The following LPP variants were observed in gnomAD, a reference collection of about 807,000 sequenced individuals.
The protein encoded by LPP is LIM domain containing preferred translocation partner in lipoma.
Under a neutral mutation model 60.4 loss-of-function variants are expected in LPP, and 38 were observed. That is an observed-to-expected ratio of 0.63 (90% confidence interval 0.49 to 0.83). The LOEUF (loss-of-function observed/expected upper bound fraction) is 0.83. LPP is among the 40% of genes least tolerant of loss of function. LPP has a pLI of 0.00. For missense variants in LPP, 902 were observed against 783.6 expected (o/e 1.15, Z -1.80); for synonymous variants, 328 against 290.8 (o/e 1.13, Z -1.30).
chr3:188,249,829 TACACACACACAC>T (rs61215623), intron 2 of LPP, among the ~76,000 whole-genome samples: 23 of 111,166 alleles, frequency 2.1e-4, no homozygotes, highest in Non-Finnish European at 2.3e-4. Flanking sequence ...TTTCTCTGTC[TACACACACACAC>T]ACACACACAC....
intron 2 of LPP, among the ~76,000 whole-genome samples, chr3:188,320,225 C>T (rs1245057956): frequency 1.3e-5 from 2 of 152,202 alleles, no homozygotes; most frequent in Non-Finnish European, 2.9e-5. Context: ...CACTCCAACA[C>T]ATTTGCAAAT....
intron 6 of LPP, among the ~76,000 whole-genome samples, chr3:188,600,633 G>A (rs553072958): frequency 6.6e-6 from 1 of 152,052 alleles, no homozygotes; most frequent in Admixed American, 6.6e-5. Context: ...ACATTGTTGT[G>A]CAACCATCAC....
chr3:188,609,344 C>T lies in LPP; in HGVS notation c.613C>T (p.Pro205Ser). 1 of 1,614,130 alleles carries T rather than the reference C, an allele frequency of 6.2e-7. No individual in the cohort carries two copies. The stretch of plus-strand genomic sequence containing the variant: ...CGGAACACTCAAACCCCAGCCTCAG[C>T]CAGTCCCAGCCTCCTACACCACGGC... ...PIGTLKPQPQPVPASYTTAST... is the reference protein window; with the variant it reads ...PIGTLKPQPQSVPASYTTAST... The change falls in exon 7 of 12, where the codon CCA (proline) becomes TCA (serine). Residue 205 changes from proline (P) to serine (S), a missense_variant. Physicochemically the swap from Pro to Ser is moderately conservative, Grantham distance 74 (BLOSUM62 -1). Transcript: ENST00000617246. The surrounding 1 kb of genome is among the most constrained non-coding windows in gnomAD (Gnocchi z 6.9).
intron 1 of LPP, among the ~76,000 whole-genome samples, chr3:188,173,619 T>G (rs1411660907): frequency 6.6e-6 from 1 of 152,158 alleles, no homozygotes; most frequent in Non-Finnish European, 1.5e-5. Context: ...GTTGTAATCA[T>G]GTAATCTGGA....
intron 7 of LPP, among the ~76,000 whole-genome samples, chr3:188,623,027 TAAAA>T (rs747020083): frequency 3.8e-5 from 3 of 79,474 alleles, no homozygotes; most frequent in Non-Finnish European, 7.5e-5. Context: ...GACTCCATCT[TAAAA>T]AAAAAAAAAA....
rs537820811 is a variant in LPP, at chr3:188,366,936, G to A, written c.-10+25217G>A. On this transcript the variant is annotated intron_variant, in intron 3 of 11. Transcript: ENST00000617246. Reference sequence around the variant, plus strand: ...TTTTGAGACAGAGTCTCGCTCTGTCGCCCAGGCTGGAGTGCAGTGGTGCGA... The same window carrying A: ...TTTTGAGACAGAGTCTCGCTCTGTCACCCAGGCTGGAGTGCAGTGGTGCGA... Among the ~76,000 whole-genome samples, 7 of 150,874 alleles carry A rather than the reference G, an allele frequency of 4.6e-5. No homozygotes were observed. The East Asian group carries it at 1.4e-3, about 29-fold the overall frequency.
chr3:188,596,419 C>G (rs1199874720), intron 6 of LPP, among the ~76,000 whole-genome samples: 1 of 152,146 alleles, frequency 6.6e-6, no homozygotes, highest in African/African-American at 2.4e-5. Flanking sequence ...AAAGTGCTCT[C>G]TCCTTGGAAA....
At chr3:188,769,112 ATATC>A (rs1460468315) in intron 9 of LPP, among the ~76,000 whole-genome samples, 1 of 152,228 alleles carries the variant, frequency 6.6e-6, no homozygotes, top group Non-Finnish European at 1.5e-5. Context: ...AAAATATAAA[ATATC>A]TAGGTAAAAC....
At chr3:188,678,345 G>A (rs1035192193) in intron 7 of LPP, among the ~76,000 whole-genome samples, 9 of 152,150 alleles carry the variant, frequency 5.9e-5, no homozygotes, top group African/African-American at 2.2e-4. Flanking sequence ...TATTTCTATA[G>A]GTTAAGCATT....
intron 1 of LPP, among the ~76,000 whole-genome samples, chr3:188,156,576 G>C (rs558409885): frequency 5.3e-5 from 8 of 152,146 alleles, no homozygotes; most frequent in Admixed American, 6.5e-5. Flanking sequence ...GCTCAAGCCT[G>C]TAATGCCAGC....
intron 7 of LPP, among the ~76,000 whole-genome samples, chr3:188,683,974 G>A (rs1337059571): frequency 6.6e-6 from 1 of 152,192 alleles, no homozygotes; most frequent in Admixed American, 6.5e-5. Context: ...CCGGAGTGTT[G>A]TCATTTTAAT....
At chr3:188,282,210 G>C (rs1037030297) in intron 2 of LPP, among the ~76,000 whole-genome samples, 1 of 150,778 alleles carries the variant, frequency 6.6e-6, no homozygotes, top group African/African-American at 2.4e-5. Flanking sequence ...ATGGGGCTCA[G>C]TGGCCAGGCG....
intron 9 of LPP, among the ~76,000 whole-genome samples, chr3:188,825,660 A>C (rs1041423635): frequency 1.3e-5 from 2 of 152,030 alleles, no homozygotes; most frequent in African/African-American, 4.8e-5. Flanking sequence ...GCCCAGGGTC[A>C]CCACAGCCTT....
intron 9 of LPP, among the ~76,000 whole-genome samples, chr3:188,795,161 G>T (rs1189401650): frequency 6.6e-6 from 1 of 151,954 alleles, no homozygotes; most frequent in Admixed American, 6.6e-5. Flanking sequence ...AAAAACAAAA[G>T]AAGTAAATTT....
intron 3 of LPP, among the ~76,000 whole-genome samples, chr3:188,363,040 T>A (rs532650981): frequency 3.3e-4 from 50 of 151,712 alleles, no homozygotes; most frequent in African/African-American, 9.4e-4. Flanking sequence ...TTATTTATTT[T>A]TTTTTTTTAC....
At chr3:188,232,733 T>C (rs1720528526) in intron 2 of LPP, among the ~76,000 whole-genome samples, 1 of 152,096 alleles carries the variant, frequency 6.6e-6, no homozygotes, top group Non-Finnish European at 1.5e-5. Flanking sequence ...AGAGTTTTAG[T>C]TGGACAAGGA....
At chr3:188,250,710 T>TTTTC (rs1225678127) in intron 2 of LPP, among the ~76,000 whole-genome samples, 2 of 148,726 alleles carry the variant, frequency 1.3e-5, no homozygotes, top group Non-Finnish European at 3.0e-5. Context: ...TTCCTCTTTC[T>TTTTC]TTTCTTTCTT....
intron 4 of LPP, among the ~76,000 whole-genome samples, chr3:188,428,895 A>G (rs1254455090): frequency 2.0e-5 from 3 of 152,132 alleles, no homozygotes; most frequent in Non-Finnish European, 2.9e-5. Context: ...CTGCCCTTCA[A>G]AAAAACAAAA....
At chr3:188,406,085 A>C in intron 3 of LPP, 27 bp from the exon 4 acceptor site, 1 of 1,584,542 alleles carries the variant, frequency 6.3e-7, no homozygotes, top group South Asian at 1.1e-5. Flanking sequence ...ATGCTTCCAT[A>C]AAAACAGTGT....
Sources: gnomAD v4.1 joint callset for allele counts (sites outside exome capture counted in the v4.1 genomes callset) on GRCh38, gnomAD v4.1.1 for gene constraint, Gnocchi (gnomAD v3.1) non-coding constraint, MANE v1.5 for transcripts, NCBI Gene and HGNC (gene_info 2026-07-23, HGNC 2026-07-21) for gene names.